The following UTP25 variants were observed in gnomAD, a reference collection of about 807,000 sequenced individuals.
The protein encoded by UTP25 is U3 small nucleolar RNA-associated protein 25 homolog.
In UTP25, 50 loss-of-function variants were observed where a neutral mutation model predicts 78.9. The ratio of observed to expected loss-of-function variants is 0.63; its 90% confidence interval spans 0.50 to 0.80. The LOEUF is 0.80. Among genes scored for constraint, UTP25 ranks in the 30% least tolerant of loss-of-function variants. The pLI, the probability that UTP25 is intolerant of heterozygous loss-of-function variation, is 0.00. For missense variants in UTP25, 846 were observed against 911.3 expected, an observed-to-expected ratio of 0.93 and a Z score of 0.92; for synonymous variants, 329 against 336.5, an observed-to-expected ratio of 0.98 and a Z score of 0.24.
At position 209,828,194 on chromosome 1, in the gene UTP25, C is replaced by T. The variant is rs1164308740; in HGVS notation, c.107+24C>T. On this transcript the variant is annotated intron_variant, in intron 1 of 11. Coordinates refer to ENST00000491415, the MANE Select transcript of UTP25 (RefSeq NM_014388.7). ...AGGTCTGAAGGGGCGTGGCAGGGCT[C>T]CCCAGTCGCCAGAGATGTATCCTCG... The T allele has an allele frequency of 3.2e-6, 5 of 1,574,322 alleles. No homozygotes were observed. In the African/African-American group the frequency reaches 4.1e-5, roughly 13 times the overall value.
At position 209,833,194 on chromosome 1, in the gene UTP25, T is replaced by C. The variant is rs2078112803; in HGVS notation, c.398T>C (p.Leu133Ser). 3.7e-6 allele frequency: 6 copies of C among 1,613,242 alleles called. No individual in the cohort carries two copies. In the East Asian group the frequency reaches 1.3e-4, roughly 36 times the overall value. The change falls in exon 4 of 12, where the codon TTA becomes TCA. Residue 133 changes from leucine to serine, a missense_variant. By Grantham distance (145) the Leu-to-Ser change is moderately radical (BLOSUM62 -2). Transcript: ENST00000491415. Reference protein sequence around the residue: ...ESTESPENVALSADPEGKEDG... With the variant: ...ESTESPENVASSADPEGKEDG... ...TTTCTCAAAACTGCAGATGTAGCTT[T>C]ATCTGCTGACCCTGAGGGAAAAGAA...
chr1:209,836,481 A>G (rs975791301), intron 5 of UTP25, among the ~76,000 whole-genome samples: 2 of 151,996 alleles, frequency 1.3e-5, no homozygotes, highest in Non-Finnish European at 2.9e-5. Flanking sequence ...ATGAATGTTG[A>G]CTCTTCCCAG....
Position 209,852,683 on chromosome 1 carries a change from C to T in UTP25, c.*1236C>T, listed in dbSNP as rs927945491. 7 of 152,128 alleles carry T rather than the reference C, an allele frequency of 4.6e-5. No homozygotes were observed. Among genetic ancestry groups the T allele is most frequent in the African/African-American group, 1.7e-4 (7 of 41,398 alleles). 9.4% of individuals were successfully genotyped at this position (152,128 alleles called of 1,614,324 possible). On this transcript the variant is annotated 3_prime_UTR_variant, in exon 12 of 12. Coordinates refer to ENST00000491415, the MANE Select transcript of UTP25 (RefSeq NM_014388.7). Reference sequence around the variant, plus strand: ...GGTTTCTCTACTCCAGCCCTGCTTGCTTTTAGTAGGAAATTATTATAAAAG... The same window carrying T: ...GGTTTCTCTACTCCAGCCCTGCTTGTTTTTAGTAGGAAATTATTATAAAAG...
intron 4 of UTP25, among the ~76,000 whole-genome samples, chr1:209,834,670 A>C (rs1451368170): frequency 6.6e-6 from 1 of 152,224 alleles, no homozygotes; most frequent in Non-Finnish European, 1.5e-5. Context: ...TCAGTGGGTA[A>C]CATTAAATTG....
chr1:209,840,126 G>C (rs889217628), intron 7 of UTP25, among the ~76,000 whole-genome samples: 3 of 152,206 alleles, frequency 2.0e-5, no homozygotes, highest in Non-Finnish European at 4.4e-5. Context: ...AAGAGCTCGT[G>C]TTTTGTTTGG....
At chr1:209,845,215 G>C (rs1232856025) in intron 11 of UTP25, among the ~76,000 whole-genome samples, 1 of 152,148 alleles carries the variant, frequency 6.6e-6, no homozygotes, top group Non-Finnish European at 1.5e-5. Flanking sequence ...TGTTTCCCAG[G>C]CTCCATTCTT....
At position 209,839,718 on chromosome 1, in the gene UTP25, T is replaced by C. The variant is rs2078155636; in HGVS notation, c.1282+590T>C. Among the ~76,000 whole-genome samples, 3 of 152,246 alleles carry C rather than the reference T, an allele frequency of 2.0e-5. No homozygotes were observed. The South Asian group carries it at 6.2e-4, about 32-fold the overall frequency. On this transcript the variant is annotated intron_variant, in intron 7 of 11. Coordinates refer to ENST00000491415, the MANE Select transcript of UTP25 (RefSeq NM_014388.7). Reference sequence around the variant, plus strand: ...ACATATGCTCATTCACAAATACTTATTGAGTATCTACAGTGTGCCAGGCAC... The same window carrying C: ...ACATATGCTCATTCACAAATACTTACTGAGTATCTACAGTGTGCCAGGCAC...
chr1:209,847,040 T>C (rs955642128), intron 11 of UTP25, among the ~76,000 whole-genome samples: 8 of 152,162 alleles, frequency 5.3e-5, no homozygotes, highest in African/African-American at 1.9e-4. Flanking sequence ...CACACACGTG[T>C]TTTTTTAAAA....
At chr1:209,845,853 TTTTC>T (rs2078194176) in intron 11 of UTP25, among the ~76,000 whole-genome samples, 1 of 148,802 alleles carries the variant, frequency 6.7e-6, no homozygotes, top group South Asian at 2.1e-4. Flanking sequence ...TTTTTTTTCT[TTTTC>T]TTTTTCTTTT....
At chr1:209,830,282 A>T in intron 2 of UTP25, 135 bp downstream of exon 2, 1 of 769,518 alleles carries the variant, frequency 1.3e-6, no homozygotes, top group East Asian at 2.8e-5. Context: ...AGTATCACTT[A>T]ATTTTAAATG....
At chr1:209,849,569 G>A (rs1356714385) in intron 11 of UTP25, among the ~76,000 whole-genome samples, 1 of 151,996 alleles carries the variant, frequency 6.6e-6, no homozygotes, top group African/African-American at 2.4e-5. Flanking sequence ...TTTTACCATG[G>A]GTTTCACGAT....
At chr1:209,839,864 G>A (rs1331161944) in intron 7 of UTP25, among the ~76,000 whole-genome samples, 1 of 152,178 alleles carries the variant, frequency 6.6e-6, no homozygotes, top group Non-Finnish European at 1.5e-5. Context: ...GGTTGTTCTC[G>A]GAGCATTTAA....
chr1:209,851,218 G>T lies in UTP25; in HGVS notation c.2042G>T (p.Gly681Val), dbSNP rs1029018334. Residue 681 changes from glycine to valine, a missense_variant, in exon 12 of 12, where the codon GGC (glycine) becomes GTC (valine). Physicochemically the swap from Gly to Val is moderately radical, Grantham distance 109 (BLOSUM62 -3). Transcript: ENST00000491415. ...FHFYKRYTIK[G>V]IRNLIFYELP... is the part of the protein sequence containing the mutation. The stretch of plus-strand genomic sequence containing the variant: ...AATTCTGACAGGTATACAATAAAAG[G>T]CATCAGGAACCTGATTTTCTATGAA... The T allele has an allele frequency of 6.2e-7, 1 of 1,613,078 alleles. No individual in the cohort carries two copies. The highest frequency in any genetic ancestry group is 1.1e-5 in the South Asian group (1 of 90,790).
intron 6 of UTP25, among the ~76,000 whole-genome samples, chr1:209,838,246 T>C (rs575761809): frequency 2.6e-5 from 4 of 152,354 alleles, no homozygotes; most frequent in Admixed American, 1.3e-4. Flanking sequence ...TTGTTTACAA[T>C]AGGAAATTAG....
At position 209,842,664 on chromosome 1, in the gene UTP25, G is replaced by A. The variant is rs2102577491; in HGVS notation, c.1750G>A (p.Ala584Thr). ...QLPHVFQRME[A>T]ENLASVIDAR... is the part of the protein sequence containing the mutation. ...CCCACATGTCTTCCAGAGGATGGAA[G>A]CTGAAAACCTAGCTTCAGTGATTGA... is the stretch of plus-strand genomic sequence containing the variant. Residue 584 changes from alanine to threonine, a missense_variant, in exon 10 of 12, where the codon GCT (alanine) becomes ACT (threonine). Physicochemically the swap from Ala to Thr is moderately conservative, Grantham distance 58. Transcript: ENST00000491415. 6.2e-7 allele frequency: 1 copy of A among 1,613,134 alleles called. No individual in the cohort carries two copies.
chr1:209,837,056 G>T lies in UTP25; in HGVS notation c.907G>T (p.Gly303Trp). The change falls in exon 6 of 12, where the codon GGG becomes TGG. Residue 303 changes from glycine (G) to tryptophan (W), a missense_variant. Transcript: ENST00000491415. Reference protein sequence around the residue: ...FYPERTALKNGEEIRHVYCLH... With the variant: ...FYPERTALKNWEEIRHVYCLH... The stretch of plus-strand genomic sequence containing the variant: ...CCCGGAAAGGACTGCTCTGAAGAAC[G>T]GGGAAGAGATCCGCCATGTGTATTG... 1 of 1,614,122 alleles carries T rather than the reference G, an allele frequency of 6.2e-7. No individual in the cohort carries two copies. Among genetic ancestry groups the T allele is most frequent in the Non-Finnish European group, 8.5e-7 (1 of 1,180,006 alleles).
chr1:209,839,346 A>C (rs1487354576), intron 7 of UTP25, among the ~76,000 whole-genome samples: 1 of 152,192 alleles, frequency 6.6e-6, no homozygotes, highest in Non-Finnish European at 1.5e-5. Context: ...CTGAGGCCAT[A>C]TATGAAAGGC....
In UTP25 at chr1:209,830,976, TGAA is replaced by T. The variant is rs2078100257; in HGVS notation, c.324_326del (p.Glu108del). 4 of 1,613,894 alleles carry T rather than the reference TGAA, an allele frequency of 2.5e-6. No individual in the cohort carries two copies. The highest frequency in any genetic ancestry group is 1.7e-5 in the Admixed American group (1 of 59,986). On this transcript the variant is annotated inframe_deletion, in exon 3 of 12. Transcript: ENST00000491415. Reference sequence around the variant, plus strand: ...TTGTAGATGATGCAGAAATGAACGATGAAGATGGTGGTAGCGATGTCAGTGTGG... The same window carrying T: ...TTGTAGATGATGCAGAAATGAACGATGATGGTGGTAGCGATGTCAGTGTGG...
At chr1:209,838,205 G>A (rs1014056936) in intron 6 of UTP25, among the ~76,000 whole-genome samples, 2 of 152,182 alleles carry the variant, frequency 1.3e-5, no homozygotes, top group Non-Finnish European at 2.9e-5. Flanking sequence ...ATAATTTGGT[G>A]AATTACGTGA....
Sources: gnomAD v4.1 joint callset for allele counts (sites outside exome capture counted in the v4.1 genomes callset) on GRCh38, gnomAD v4.1.1 for gene constraint, MANE v1.5 for transcripts, NCBI Gene and HGNC (gene_info 2026-07-23, HGNC 2026-07-21) for gene names.